The following EXOC6B variants were observed in gnomAD, a reference collection of about 807,000 sequenced individuals.
EXOC6B encodes exocyst complex component 6B, also known as SEC15 homolog B.
Under a neutral mutation model 113.5 loss-of-function variants are expected in EXOC6B, and 54 were observed. That is an observed-to-expected ratio of 0.48 (90% CI 0.38 to 0.60). EXOC6B has a LOEUF of 0.60. Ranked by LOEUF, EXOC6B falls within the 20% of genes least tolerant of loss-of-function variation. EXOC6B has a pLI of 0.00. For missense variants in EXOC6B, 797 were observed against 977.5 expected (o/e 0.82, Z 2.46); for synonymous variants, 357 against 339.0 (o/e 1.05, Z -0.58).
chr2:72,254,301 G>T (rs1050847010), intron 20 of EXOC6B, among the ~76,000 whole-genome samples: 1 of 152,212 alleles, frequency 6.6e-6, no homozygotes, highest in Non-Finnish European at 1.5e-5. Flanking sequence ...AGCAGCAGAA[G>T]AGTAGAAGAC....
intron 20 of EXOC6B, among the ~76,000 whole-genome samples, chr2:72,236,998 T>C (rs1242272984): frequency 6.6e-6 from 1 of 152,176 alleles, no homozygotes; most frequent in Non-Finnish European, 1.5e-5. Context: ...CTATAAAATC[T>C]ACACATAGTT....
intron 18 of EXOC6B, among the ~76,000 whole-genome samples, chr2:72,406,269 C>T (rs1031216396): frequency 6.6e-6 from 1 of 152,026 alleles, no homozygotes; most frequent in African/African-American, 2.4e-5. Context: ...CTTTAACACC[C>T]CACTGTCAAC....
At chr2:72,216,135 A>G (rs529889197) in intron 20 of EXOC6B, among the ~76,000 whole-genome samples, 1 of 152,278 alleles carries the variant, frequency 6.6e-6, no homozygotes, top group Non-Finnish European at 1.5e-5. Flanking sequence ...AAACCAAGCT[A>G]GCAAGCAATG....
intron 19 of EXOC6B, among the ~76,000 whole-genome samples, chr2:72,368,193 T>C (rs1173555988): frequency 1.3e-5 from 2 of 152,100 alleles, no homozygotes; most frequent in African/African-American, 2.4e-5. Context: ...TCACCACTGA[T>C]CCCACAGAAA....
intron 5 of EXOC6B, among the ~76,000 whole-genome samples, chr2:72,726,682 G>T (rs1042483720): frequency 6.6e-6 from 1 of 152,048 alleles, no homozygotes; most frequent in South Asian, 2.1e-4. Context: ...TAACAACAAT[G>T]ACATAAGGGA....
chr2:72,218,784 T>C (rs1004677827), intron 20 of EXOC6B, among the ~76,000 whole-genome samples: 1 of 152,038 alleles, frequency 6.6e-6, no homozygotes, highest in Non-Finnish European at 1.5e-5. Flanking sequence ...TGCCTCAGCC[T>C]CCTGAGTAGC....
chr2:72,439,469 T>C (rs1240434215), intron 18 of EXOC6B, among the ~76,000 whole-genome samples: 1 of 152,214 alleles, frequency 6.6e-6, no homozygotes, highest in Non-Finnish European at 1.5e-5. Context: ...AGAGAGACAG[T>C]CTTTAAGCTC....
At chr2:72,765,991 T>C (rs1315938138) in intron 1 of EXOC6B, among the ~76,000 whole-genome samples, 1 of 152,226 alleles carries the variant, frequency 6.6e-6, no homozygotes, top group Non-Finnish European at 1.5e-5. Context: ...ACTGTTATTA[T>C]TTTCTCAACA....
chr2:72,369,434 G>A (rs1424113155), intron 19 of EXOC6B, among the ~76,000 whole-genome samples: 1 of 152,160 alleles, frequency 6.6e-6, no homozygotes, highest in East Asian at 1.9e-4. Flanking sequence ...TGGCCATACT[G>A]CCCAAGGTAA....
intron 6 of EXOC6B, among the ~76,000 whole-genome samples, chr2:72,658,677 AAC>A (rs1446191100): frequency 2.6e-5 from 4 of 152,076 alleles, no homozygotes; most frequent in Non-Finnish European, 5.9e-5. Flanking sequence ...GAGCTACAAA[AAC>A]ACTTTCTAGT....
chr2:72,560,391 T>TA (rs1703825760), intron 7 of EXOC6B, among the ~76,000 whole-genome samples: 1 of 151,978 alleles, frequency 6.6e-6, no homozygotes, highest in South Asian at 2.1e-4. Context: ...ACATTCAAAA[T>TA]AAAGACCTAC....
intron 17 of EXOC6B, 77 bp downstream of exon 17, chr2:72,480,539 A>G: frequency 7.7e-7 from 1 of 1,291,286 alleles, no homozygotes; most frequent in Admixed American, 3.1e-5. Flanking sequence ...ATCTTACAGA[A>G]ACAAGGCCAT....
intron 1 of EXOC6B, among the ~76,000 whole-genome samples, chr2:72,767,834 G>A (rs1196998151): frequency 0.084 from 1,944 of 23,280 alleles, 2 homozygotes; most frequent in Middle Eastern, 0.15. Flanking sequence ...AAAAAAAAAA[G>A]ACCAAGTCCG....
chr2:72,615,323 A>G (rs1219360987), intron 6 of EXOC6B, among the ~76,000 whole-genome samples: 1 of 152,112 alleles, frequency 6.6e-6, no homozygotes, highest in Non-Finnish European at 1.5e-5. Context: ...TTACATTACT[A>G]TTTCTCATTT....
At chr2:72,463,655 C>T (rs148799300) in intron 18 of EXOC6B, 55 of 152,212 alleles carry the variant, frequency 3.6e-4, no homozygotes, top group African/African-American at 1.0e-3. Flanking sequence ...TAAAGCTAAA[C>T]GGCTGAGGAA....
intron 20 of EXOC6B, among the ~76,000 whole-genome samples, chr2:72,281,451 C>T (rs564217277): frequency 6.6e-6 from 1 of 151,924 alleles, no homozygotes; most frequent in South Asian, 2.1e-4. Flanking sequence ...TTTCACCACA[C>T]AATTGAAATA....
chr2:72,642,761 A>G (rs1673360541), intron 6 of EXOC6B, among the ~76,000 whole-genome samples: 1 of 151,708 alleles, frequency 6.6e-6, no homozygotes, highest in Non-Finnish European at 1.5e-5. Context: ...AAAATTGACA[A>G]ATGGGATCTC....
intron 12 of EXOC6B, among the ~76,000 whole-genome samples, chr2:72,499,429 C>G (rs1302805125): frequency 6.6e-6 from 1 of 151,808 alleles, no homozygotes; most frequent in Non-Finnish European, 1.5e-5. Flanking sequence ...CAGGGTTTCA[C>G]CATGTTGGCC....
At chr2:72,325,655 G>C (rs956111654) in intron 20 of EXOC6B, among the ~76,000 whole-genome samples, 13 of 151,746 alleles carry the variant, frequency 8.6e-5, no homozygotes, top group African/African-American at 2.9e-4. Flanking sequence ...ACAAACTCTC[G>C]AGGGAAGAAC....
Sources: gnomAD v4.1 joint callset for allele counts (sites outside exome capture counted in the v4.1 genomes callset) on GRCh38, gnomAD v4.1.1 for gene constraint, MANE v1.5 for transcripts, NCBI Gene and HGNC (gene_info 2026-07-23, HGNC 2026-07-21) for gene names.